C11orf65: variants seen among roughly 807,000 people sequenced by gnomAD.
The protein encoded by C11orf65 is protein MFI.
C11orf65 carries 38 observed loss-of-function variants against 35.3 expected under a neutral mutation model. That is an observed-to-expected ratio of 1.08 (90% CI 0.83 to 1.41). C11orf65 has a LOEUF of 1.41. Ranked by LOEUF, C11orf65 falls within the 40% of genes most tolerant of loss-of-function variation. C11orf65 has a pLI of 0.00. For synonymous variants in C11orf65, 105 were observed against 114.4 expected (o/e 0.92, Z 0.53); for missense variants, 370 against 367.1 (o/e 1.01, Z -0.06).
intron 6 of C11orf65, among the ~76,000 whole-genome samples, chr11:108,312,706 C>T (rs1055964630): frequency 6.6e-6 from 1 of 152,078 alleles, no homozygotes; most frequent in Non-Finnish European, 1.5e-5. Flanking sequence ...TTCTTGAGTT[C>T]CTTATCTGAA....
At chr11:108,331,231 A>G, downstream of C11orf65, 1 of 1,262,340 alleles carries the variant, frequency 7.9e-7, no homozygotes, top group Non-Finnish European at 1.0e-6. Flanking sequence ...ATTTAGGACC[A>G]AATATTTTGA....
chr11:108,394,553 G>A (rs1237100566), intron 6 of C11orf65, among the ~76,000 whole-genome samples: 1 of 152,196 alleles, frequency 6.6e-6, no homozygotes, highest in Non-Finnish European at 1.5e-5. Flanking sequence ...TACATTCACT[G>A]ATAATGAGCT....
At chr11:108,461,662 C>G in intron 1 of C11orf65, 94 bp from the exon 2 acceptor site, 3 of 836,008 alleles carry the variant, frequency 3.6e-6, no homozygotes, top group Non-Finnish European at 5.5e-6. Flanking sequence ...CATTCTTGCT[C>G]TGTCACCCAA....
At chr11:108,423,504 T>C (rs1263175015) in intron 3 of C11orf65, among the ~76,000 whole-genome samples, 1 of 152,190 alleles carries the variant, frequency 6.6e-6, no homozygotes, top group African/African-American at 2.4e-5. Context: ...TAAACGTTCC[T>C]GCCTGCCAGC....
chr11:108,326,098 C>T lies in C11orf65; in HGVS notation c.641-17027G>A, dbSNP rs876660730. The stretch of plus-strand genomic sequence containing the variant: ...ATATTTCAAATTAAACAGTACAATT[C>T]AGTTAGCTGTGGAGTCTCTGAGTGG... On this transcript the variant is annotated intron_variant, in intron 6 of 6. Coordinates refer to the C11orf65 transcript ENST00000525729. 3.1e-6 allele frequency: 5 copies of T among 1,613,966 alleles called. No individual in the cohort carries two copies. Among genetic ancestry groups the T allele is most frequent in the Admixed American group, 1.7e-5 (1 of 60,004 alleles).
At chr11:108,379,143 C>T (rs368460635), downstream of C11orf65, among the ~76,000 whole-genome samples, 22 of 152,088 alleles carry the variant, frequency 1.4e-4, no homozygotes, top group South Asian at 3.7e-3. Context: ...ACCCAAAGGA[C>T]TATAAATCAT....
intron 6 of C11orf65, among the ~76,000 whole-genome samples, chr11:108,400,505 A>C (rs1047171423): frequency 6.6e-6 from 1 of 152,190 alleles, no homozygotes; most frequent in Non-Finnish European, 1.5e-5. Context: ...CTTCGGGAAC[A>C]ACATGTAAAA....
In C11orf65 at chr11:108,316,090, A is replaced by G. The variant is rs1329479941; in HGVS notation, c.641-7019T>C. On this transcript the variant is annotated intron_variant, in intron 6 of 6. Transcript: ENST00000525729. ...CCTCGAAACAGCAATCCCCTCATCAACACGCCAGGCAGGAATCATTCAGGT... is the reference window on the plus strand; with the variant it reads ...CCTCGAAACAGCAATCCCCTCATCAGCACGCCAGGCAGGAATCATTCAGGT... 6.2e-7 allele frequency: 1 copy of G among 1,614,152 alleles called. No homozygotes were observed. The highest frequency in any genetic ancestry group is 2.2e-5 in the East Asian group (1 of 44,872).
intron 2 of C11orf65, among the ~76,000 whole-genome samples, chr11:108,358,165 C>A (rs929261333): frequency 6.6e-6 from 1 of 151,126 alleles, no homozygotes; most frequent in Non-Finnish European, 1.5e-5. Flanking sequence ...CCTCAGGAGC[C>A]GATGCGATCA....
At chr11:108,383,726 T>G (rs566395459) in intron 8 of C11orf65, among the ~76,000 whole-genome samples, 1 of 152,332 alleles carries the variant, frequency 6.6e-6, no homozygotes, top group Non-Finnish European at 1.5e-5. Flanking sequence ...ACATCTTCAA[T>G]GTATCACCTT....
intron 1 of C11orf65, 144 bp from the exon 2 acceptor site, chr11:108,461,712 C>T: frequency 2.2e-5 from 12 of 554,254 alleles, no homozygotes; most frequent in Non-Finnish European, 3.5e-5. Context: ...ACTGTAGCCT[C>T]AAACTGCTGG....
intron 6 of C11orf65, among the ~76,000 whole-genome samples, chr11:108,402,193 GT>G (rs2092451378): frequency 6.6e-6 from 1 of 152,186 alleles, no homozygotes; most frequent in Non-Finnish European, 1.5e-5. Flanking sequence ...TTAAGTGTGT[GT>G]GGCAACTGTG....
At position 108,336,507 on chromosome 11, in the gene C11orf65, T is replaced by C. The variant is rs116168092; in HGVS notation, c.227-1215A>G. On this transcript the variant is annotated intron_variant, in intron 2 of 3. Transcript: ENST00000524755. ...CAACAATATGTCACAGAAATCTTTCTCATTTTTTAACAGCTGCATTGTGTG... is the reference window on the plus strand; with the variant it reads ...CAACAATATGTCACAGAAATCTTTCCCATTTTTTAACAGCTGCATTGTGTG... 391 of 156,860 alleles carry C rather than the reference T, an allele frequency of 2.5e-3. 5 individuals carry two copies. Among genetic ancestry groups the C allele is most frequent in the African/African-American group, 9.1e-3 (377 of 41,592 alleles). The allele number at this position is 156,860 out of a possible 1,614,324, so 9.7% of individuals were successfully genotyped here.
chr11:108,429,961 A>T (rs1216349014), intron 3 of C11orf65, among the ~76,000 whole-genome samples: 1 of 152,152 alleles, frequency 6.6e-6, no homozygotes, highest in African/African-American at 2.4e-5. Flanking sequence ...CAGGAGGTAG[A>T]ATGATAGTTG....
intron 6 of C11orf65, among the ~76,000 whole-genome samples, chr11:108,394,045 T>G (rs1024886217): frequency 6.6e-6 from 1 of 151,560 alleles, no homozygotes; most frequent in Non-Finnish European, 1.5e-5. Context: ...CTGGGCATGG[T>G]GGCGGGCCCC....
downstream of C11orf65, chr11:108,330,374 C>T (rs753262623): frequency 2.5e-6 from 4 of 1,614,122 alleles, no homozygotes; most frequent in South Asian, 1.1e-5. Context: ...ACTTTGTTCC[C>T]TCTGGCTTGA....
chr11:108,446,781 A>C (rs2093268378), intron 2 of C11orf65, among the ~76,000 whole-genome samples: 1 of 149,278 alleles, frequency 6.7e-6, no homozygotes, highest in African/African-American at 2.5e-5. Flanking sequence ...TACACATAAC[A>C]ATATTAACTT....
chr11:108,389,453 A>G (rs2092093566), intron 7 of C11orf65, among the ~76,000 whole-genome samples: 1 of 152,230 alleles, frequency 6.6e-6, no homozygotes, highest in African/African-American at 2.4e-5. Context: ...TCAAGGCTCA[A>G]TGTAAAACCT....
At position 108,447,045 on chromosome 11, in the gene C11orf65, C is replaced by T. The variant is rs1219827128; in HGVS notation, c.81+14434G>A. On this transcript the variant is annotated intron_variant, in intron 2 of 8. Transcript: ENST00000393084. ...TCAAAAGAGACAAAGAAGGCCATTA[C>T]GTAATGATAAAGGGATCAATTCAAC... 7.9e-5 allele frequency among the ~76,000 whole-genome samples: 12 copies of T among 152,274 alleles called. No homozygotes were observed. The South Asian group carries it at 1.2e-3, about 16-fold the overall frequency.
Sources: gnomAD v4.1 joint callset for allele counts (sites outside exome capture counted in the v4.1 genomes callset) on GRCh38, gnomAD v4.1.1 for gene constraint, MANE v1.5 for transcripts, NCBI Gene and HGNC (gene_info 2026-07-23, HGNC 2026-07-21) for gene names.